RFX3: variants seen among roughly 807,000 people sequenced by gnomAD.
RFX3 encodes regulatory factor X3, also known as transcription factor RFX3.
RFX3 carries 14 observed loss-of-function variants against 98.6 expected under a neutral mutation model. That is an observed-to-expected ratio of 0.14 (90% CI 0.09 to 0.22). RFX3 has a LOEUF of 0.22. Ranked by LOEUF, RFX3 falls within the 10% of genes least tolerant of loss-of-function variation. The pLI, the probability that RFX3 is intolerant of heterozygous loss-of-function variation, is 1.00. For synonymous variants in RFX3, 383 were observed against 328.4 expected (o/e 1.17, Z -1.80); for missense variants, 639 against 926.9 (o/e 0.69, Z 4.03).
intron 3 of RFX3, among the ~76,000 whole-genome samples, chr9:3,345,188 A>C (rs1235687951): frequency 6.6e-6 from 1 of 152,136 alleles, no homozygotes; most frequent in Non-Finnish European, 1.5e-5. Flanking sequence ...GAAGGGAGTG[A>C]CATGTCTGTC....
intron 1 of RFX3, among the ~76,000 whole-genome samples, chr9:3,485,968 T>A (rs1850232050): frequency 6.6e-6 from 1 of 151,382 alleles, no homozygotes. Context: ...CCACTAAAAA[T>A]ACAAAATTAG....
At chr9:3,313,842 G>C (rs1184211232) in intron 4 of RFX3, among the ~76,000 whole-genome samples, 2 of 152,118 alleles carry the variant, frequency 1.3e-5, no homozygotes, top group African/African-American at 2.4e-5. Context: ...AAAAAGAAAC[G>C]AACAAAGCCT....
intron 1 of RFX3, among the ~76,000 whole-genome samples, chr9:3,461,036 A>G (rs1029216815): frequency 6.6e-6 from 1 of 151,326 alleles, no homozygotes; most frequent in Admixed American, 6.6e-5. Context: ...TTTAACATTC[A>G]TCGCTGAGAT....
chr9:3,292,122 A>AGTT (rs1351565826), intron 6 of RFX3, among the ~76,000 whole-genome samples: 13 of 138,616 alleles, frequency 9.4e-5, no homozygotes, highest in Non-Finnish European at 2.0e-4. Flanking sequence ...AATACTCTGA[A>AGTT]GTTGTGCTTT....
chr9:3,469,928 C>G (rs570517191), intron 1 of RFX3, among the ~76,000 whole-genome samples: 1 of 152,060 alleles, frequency 6.6e-6, no homozygotes, highest in Admixed American at 6.6e-5. Flanking sequence ...TACACCTAAC[C>G]GACAACTCCA....
intron 1 of RFX3, among the ~76,000 whole-genome samples, chr9:3,446,358 TA>T (rs1484499209): frequency 3.0e-4 from 46 of 152,140 alleles, no homozygotes; most frequent in Admixed American, 3.0e-3. Flanking sequence ...GTGATCCTAT[TA>T]AAATAGTTTA....
chr9:3,323,780 T>C (rs1831574304), intron 4 of RFX3, among the ~76,000 whole-genome samples: 1 of 152,184 alleles, frequency 6.6e-6, no homozygotes, highest in South Asian at 2.1e-4. Flanking sequence ...CAGGAGAGAA[T>C]GAAGGATGCT....
intron 1 of RFX3, among the ~76,000 whole-genome samples, chr9:3,515,246 T>C (rs1818040654): frequency 6.6e-6 from 1 of 152,192 alleles, no homozygotes. Context: ...AAATCAAAAT[T>C]CAGGTTCCTT....
chr9:3,326,664 C>A (rs891075222), intron 4 of RFX3, among the ~76,000 whole-genome samples: 1 of 152,126 alleles, frequency 6.6e-6, no homozygotes, highest in African/African-American at 2.4e-5. Flanking sequence ...AGGACATGAT[C>A]TCGTTCTTTG....
At chr9:3,247,042 T>A (rs1308521359) in intron 15 of RFX3, 1 of 975,100 alleles carries the variant, frequency 1.0e-6, no homozygotes. Flanking sequence ...TAATATCTGT[T>A]TTCACTCTTT....
intron 1 of RFX3, among the ~76,000 whole-genome samples, chr9:3,445,200 C>T (rs1845939259): frequency 6.6e-6 from 1 of 151,884 alleles, no homozygotes; most frequent in Non-Finnish European, 1.5e-5. Flanking sequence ...ACATAGTTTT[C>T]AAATGTGTAT....
intron 14 of RFX3, among the ~76,000 whole-genome samples, chr9:3,249,602 G>A (rs1821116156): frequency 6.6e-6 from 1 of 152,096 alleles, no homozygotes; most frequent in East Asian, 1.9e-4. Context: ...ATGGTGGCAA[G>A]AATAGCAATT....
rs1817428280 is a variant in RFX3 at position 3,223,074 on chromosome 9, C to CCCTTA, written c.*1963_*1967dup. Reference sequence around the variant, plus strand: ...ACCTCGTCTTTCCAACCCCCCACCCCCCTTACCCCAATACCACTGGAAAGA... The same window carrying CCCTTA: ...ACCTCGTCTTTCCAACCCCCCACCCCCCTTACCTTACCCCAATACCACTGGAAAGA... On this transcript the variant is annotated 3_prime_UTR_variant, in exon 17 of 17. Transcript: ENST00000617270. 6.6e-6 allele frequency: 1 copy of CCCTTA among 152,060 alleles called. No individual in the cohort carries two copies. The allele number at this position is 152,060 out of a possible 1,614,324, so 9.4% of individuals were successfully genotyped here. A position where few individuals can be genotyped will look rare whatever the true frequency, so the allele number is the denominator to read the frequency against.
chr9:3,325,953 A>G (rs1385549715), intron 4 of RFX3, among the ~76,000 whole-genome samples: 1 of 152,162 alleles, frequency 6.6e-6, no homozygotes, highest in African/African-American at 2.4e-5. Flanking sequence ...ACTGTAGCCA[A>G]TTCTTCTACC....
intron 2 of RFX3, among the ~76,000 whole-genome samples, chr9:3,388,577 T>A (rs1839960214): frequency 6.6e-6 from 1 of 152,094 alleles, no homozygotes; most frequent in Non-Finnish European, 1.5e-5. Flanking sequence ...TTCTCTAGTC[T>A]ATCTAGGCAA....
intron 4 of RFX3, among the ~76,000 whole-genome samples, chr9:3,325,408 A>G (rs1831797271): frequency 6.6e-6 from 1 of 152,080 alleles, no homozygotes; most frequent in Non-Finnish European, 1.5e-5. Context: ...ATAAATTATA[A>G]TATTTTACAT....
chr9:3,397,376 C>T (rs3758195), intron 1 of RFX3, among the ~76,000 whole-genome samples: 33,606 of 152,118 alleles, frequency 0.22, 6,619 homozygotes, highest in African/African-American at 0.53. Context: ...ATATGAAATA[C>T]AGTGAACATT....
intron 3 of RFX3, among the ~76,000 whole-genome samples, chr9:3,335,616 T>C (rs1188108267): frequency 6.6e-6 from 1 of 152,206 alleles, no homozygotes; most frequent in Non-Finnish European, 1.5e-5. Context: ...GCTGTGTTCA[T>C]TTTGTTTGTT....
At chr9:3,503,522 C>T (rs1485550431) in intron 1 of RFX3, among the ~76,000 whole-genome samples, 2 of 151,922 alleles carry the variant, frequency 1.3e-5, no homozygotes, top group Non-Finnish European at 2.9e-5. Context: ...ATATTTGACA[C>T]CAAACTGAGT....
Sources: gnomAD v4.1 joint callset for allele counts (sites outside exome capture counted in the v4.1 genomes callset) on GRCh38, gnomAD v4.1.1 for gene constraint, MANE v1.5 for transcripts, NCBI Gene and HGNC (gene_info 2026-07-23, HGNC 2026-07-21) for gene names.